Variants in FAT1 observed in about 807,000 individuals in gnomAD.
FAT1 encodes the protein FAT atypical cadherin 1, also known as protocadherin Fat 1.
In FAT1, 171 loss-of-function variants were observed where a neutral mutation model predicts 329.8. The ratio of observed to expected loss-of-function variants is 0.52; its 90% confidence interval spans 0.46 to 0.59. FAT1 has a LOEUF of 0.59. Ranked by LOEUF, FAT1 falls within the 20% of genes least tolerant of loss-of-function variation. FAT1 has a pLI of 0.00. For missense variants in FAT1, 5,672 were observed against 5,774.4 expected (o/e 0.98, Z 0.57); for synonymous variants, 2,233 against 2,228.6 (o/e 1.00, Z -0.06).
chr4:186,707,426 T>G lies in FAT1; in HGVS notation c.2402A>C (p.Gln801Pro), dbSNP rs566301401. The G allele has an allele frequency of 3.1e-6, 5 of 1,614,034 alleles. No homozygotes were observed. The African/African-American group carries it at 6.7e-5, about 21-fold the overall frequency. The change falls in exon 2 of 27, where the codon CAG (glutamine) becomes CCG (proline). Residue 801 changes from glutamine to proline, a missense_variant. By Grantham distance (76) the Gln-to-Pro change is moderately conservative. Coordinates refer to ENST00000441802, the MANE Select transcript of FAT1 (RefSeq NM_005245.4). ...NITVYDLGIPQKAAWRLLHVV... is the reference protein window; with the variant it reads ...NITVYDLGIPPKAAWRLLHVV... ...ATGTAGAAGACGCCACGCAGCCTTC[T>G]GGGGTATCCCAAGGTCATAGACGGT...
chr4:186,637,584 T>C (rs1560956791), intron 4 of FAT1, among the ~76,000 whole-genome samples: 1 of 152,230 alleles, frequency 6.6e-6, no homozygotes, highest in Non-Finnish European at 1.5e-5. Flanking sequence ...CATATATTCT[T>C]ATATTCTATT....
intron 2 of FAT1, among the ~76,000 whole-genome samples, chr4:186,690,461 C>T (rs546494336): frequency 6.6e-6 from 1 of 152,156 alleles, no homozygotes; most frequent in South Asian, 2.1e-4. Flanking sequence ...ACCTGGAGGC[C>T]GAGGCAGGCA....
intron 9 of FAT1, among the ~76,000 whole-genome samples, chr4:186,627,004 C>T: frequency 1.1e-5 from 1 of 92,876 alleles, no homozygotes; most frequent in East Asian, 3.5e-4. Context: ...GCTTCATCAG[C>T]CCACAGAATG....
At position 186,708,574 on chromosome 4, in the gene FAT1, A is replaced by G; in HGVS notation, c.1254T>C (p.Gly418=). The change falls in exon 2 of 27, where the codon GGT becomes GGC. Residue 418 remains glycine, a synonymous_variant. Coordinates refer to ENST00000441802, the MANE Select transcript of FAT1 (RefSeq NM_005245.4). ...KAKFSLNYNT[G]LISILEPVKR... ...TAACTGGTTCTAAAATAGAAATGAG[A>G]CCAGTGTTGTAATTTAAACTGAATT... is the stretch of plus-strand genomic sequence containing the variant. 6 of 1,613,938 alleles carry G rather than the reference A, an allele frequency of 3.7e-6. No homozygotes were observed. The highest frequency in any genetic ancestry group is 5.1e-6 in the Non-Finnish European group (6 of 1,179,874).
chr4:186,638,892 G>GT (rs1288220925), intron 4 of FAT1, among the ~76,000 whole-genome samples: 1 of 151,730 alleles, frequency 6.6e-6, no homozygotes, highest in African/African-American at 2.4e-5. Context: ...CTTCCACACG[G>GT]GACAGAGAGA....
intron 1 of FAT1, among the ~76,000 whole-genome samples, chr4:186,714,804 G>A (rs1354408928): frequency 6.6e-6 from 1 of 152,224 alleles, no homozygotes; most frequent in African/African-American, 2.4e-5. Flanking sequence ...ATCCAGCTGG[G>A]CGCGGTGGCT....
At chr4:186,704,280 G>T (rs1167178219) in intron 2 of FAT1, among the ~76,000 whole-genome samples, 6 of 151,948 alleles carry the variant, frequency 3.9e-5, no homozygotes, top group Admixed American at 1.3e-4. Flanking sequence ...GAAAAGTCTG[G>T]CACTGCCCTT....
At chr4:186,690,877 A>G (rs1483760744) in intron 2 of FAT1, among the ~76,000 whole-genome samples, 1 of 152,228 alleles carries the variant, frequency 6.6e-6, no homozygotes, top group Non-Finnish European at 1.5e-5. Context: ...TAAAGGTCTC[A>G]TTAATACTTA....
chr4:186,679,820 C>T (rs1743131129), intron 2 of FAT1, among the ~76,000 whole-genome samples: 1 of 152,132 alleles, frequency 6.6e-6, no homozygotes, highest in Non-Finnish European at 1.5e-5. Flanking sequence ...GGTGGTGAAG[C>T]AATCGTATAT....
In FAT1 at chr4:186,706,959, C is replaced by G. The variant is rs1206691154; in HGVS notation, c.2869G>C (p.Gly957Arg). 5.0e-6 allele frequency: 8 copies of G among 1,613,878 alleles called. No homozygotes were observed. Among genetic ancestry groups the G allele is most frequent in the Non-Finnish European group, 6.8e-6 (8 of 1,179,902 alleles). Residue 957 changes from glycine to arginine, a missense_variant, in exon 2 of 27, where the codon GGT (glycine) becomes CGT (arginine). By Grantham distance (125) the Gly-to-Arg change is moderately radical (BLOSUM62 -2). Transcript: ENST00000441802. ...MWLEAHDPDL[G>R]QSGQVRYSLL... ...CTGTATCTCACCTGACCAGACTGAC[C>G]TAAATCAGGATCGTGGGCTTCTAAC...
chr4:186,602,000 A>T (rs1164770900), intron 20 of FAT1, among the ~76,000 whole-genome samples: 1 of 152,234 alleles, frequency 6.6e-6, no homozygotes, highest in Non-Finnish European at 1.5e-5. Flanking sequence ...CTACACATTG[A>T]TACTAAGAAA....
chr4:186,702,175 T>A (rs147430758), intron 2 of FAT1, among the ~76,000 whole-genome samples: 2 of 152,372 alleles, frequency 1.3e-5, no homozygotes, highest in Admixed American at 6.5e-5. Context: ...ATGCAGCCAT[T>A]TTCTCTTAAG....
At chr4:186,638,671 GTATT>G (rs1341565681) in intron 4 of FAT1, among the ~76,000 whole-genome samples, 2 of 151,296 alleles carry the variant, frequency 1.3e-5, no homozygotes, top group East Asian at 1.9e-4. Flanking sequence ...TAAAAACTAA[GTATT>G]TACTGACAAC....
At chr4:186,677,640 A>T (rs1450600630) in intron 2 of FAT1, among the ~76,000 whole-genome samples, 1 of 152,176 alleles carries the variant, frequency 6.6e-6, no homozygotes, top group Admixed American at 6.5e-5. Context: ...ACCTCCTACA[A>T]TACCCAGTAT....
intron 3 of FAT1, among the ~76,000 whole-genome samples, chr4:186,646,879 T>A (rs1407645358): frequency 6.6e-6 from 1 of 152,196 alleles, no homozygotes. Context: ...CTACTTCACC[T>A]GAACACGTAC....
At chr4:186,640,822 T>A (rs1237633974) in intron 3 of FAT1, among the ~76,000 whole-genome samples, 1 of 152,154 alleles carries the variant, frequency 6.6e-6, no homozygotes, top group Non-Finnish European at 1.5e-5. Context: ...AAAACTCCCC[T>A]AAGCACTAAA....
rs1415071791 is a variant in FAT1 at position 186,603,421 on chromosome 4, C to A, written c.11105G>T (p.Gly3702Val). The change falls in exon 19 of 27, where the codon GGT becomes GTT. Residue 3702 changes from glycine to valine, a missense_variant. Transcript: ENST00000441802. ...LDVLLFVEKP[G>V]SAQISTKQLL... is the part of the protein sequence containing the mutation. The stretch of plus-strand genomic sequence containing the variant: ...TTGTTTTGTTGAGATCTGAGCACTA[C>A]CTGGTTTCTCTACAAAAAGTAAGAC... 6.2e-7 allele frequency: 1 copy of A among 1,613,978 alleles called. No individual in the cohort carries two copies. The highest frequency in any genetic ancestry group is 8.5e-7 in the Non-Finnish European group (1 of 1,179,894).
In FAT1 at chr4:186,605,177, T is replaced by C. The variant is rs1382441942; in HGVS notation, c.10351-603A>G. ...GGTGCAGTGAGCTGAGATCGTGCCA[T>C]TGCACTCTAGCCTGGGCAATGAGTG... On this transcript the variant is annotated intron_variant, in intron 17 of 26. Coordinates refer to ENST00000441802, the MANE Select transcript of FAT1 (RefSeq NM_005245.4). Among the ~76,000 whole-genome samples the C allele has an allele frequency of 5.8e-5, 8 of 137,452 alleles. No homozygotes were observed. In the East Asian group the frequency reaches 8.7e-4, roughly 15 times the overall value. The allele number at this position is 137,452 out of a possible 152,430, so 90.2% of individuals were successfully genotyped here.
chr4:186,663,743 T>C (rs948543778), intron 2 of FAT1, 130 bp from the exon 3 acceptor site: 18 of 660,302 alleles, frequency 2.7e-5, no homozygotes, highest in Non-Finnish European at 4.6e-5. Flanking sequence ...CTTGAGCAGG[T>C]TAACCAGCCT....
Sources: gnomAD v4.1 joint callset for allele counts (sites outside exome capture counted in the v4.1 genomes callset) on GRCh38, gnomAD v4.1.1 for gene constraint, MANE v1.5 for transcripts, NCBI Gene and HGNC (gene_info 2026-07-23, HGNC 2026-07-21) for gene names.